ILK: variants seen among roughly 807,000 people sequenced by gnomAD.
The protein encoded by ILK is scaffold protein ILK.
In ILK, 37 loss-of-function variants were observed where a neutral mutation model predicts 57.8. The observed-to-expected ratio is 0.64, with a 90% CI of 0.49 to 0.84. ILK has a LOEUF of 0.84. Ranked by LOEUF, ILK falls within the 40% of genes least tolerant of loss-of-function variation. The probability of loss-of-function intolerance (pLI) is 0.00; values close to 1 mark genes in which losing one functional copy is unlikely to be tolerated. For missense variants in ILK, 528 were observed against 595.7 expected (o/e 0.89, Z 1.18); for synonymous variants, 231 against 202.2 (o/e 1.14, Z -1.21).
At position 6,610,629 on chromosome 11, in the gene ILK, C is replaced by T. The variant is rs1802876; in HGVS notation, c.*18C>T. ...ACAAGTAGGACTGGAAGGTCCTTGC[C>T]TGAACTCCAGAGGTGTCGGGACATG... On this transcript the variant is annotated 3_prime_UTR_variant, in exon 13 of 13. Transcript: ENST00000299421. 6.2e-7 allele frequency: 1 copy of T among 1,614,078 alleles called. No homozygotes were observed. The highest frequency in any genetic ancestry group is 8.5e-7 in the Non-Finnish European group (1 of 1,179,962).
chr11:6,603,916 C>G (rs1272074979), intron 1 of ILK, 94 bp downstream of exon 1: 1 of 450,988 alleles, frequency 2.2e-6, no homozygotes, highest in Non-Finnish European at 4.0e-6. Context: ...ACCCCCGGTC[C>G]CCTCTCCCAG....
At position 6,609,601 on chromosome 11, in the gene ILK, C is replaced by A. The variant is rs774113906; in HGVS notation, c.818C>A (p.Pro273Gln). The A allele has an allele frequency of 8.1e-6, 13 of 1,613,930 alleles. No homozygotes were observed. In the African/African-American group the frequency reaches 1.6e-4, roughly 20 times the overall value. ...CCTACTCTCATCACACACTGGATGC[C>A]GTATGGATCCCTCTACAATGTACTA... ...PHPTLITHWM[P>Q]YGSLYNVLHE... is the part of the protein sequence containing the mutation. Residue 273 changes from proline (P) to glutamine (Q), a missense_variant, in exon 9 of 13, where the codon CCG becomes CAG. Physicochemically the swap from Pro to Gln is moderately conservative, Grantham distance 76. Coordinates refer to ENST00000299421, the MANE Select transcript of ILK (RefSeq NM_004517.4).
chr11:6,610,598 T>C lies in ILK; in HGVS notation c.1346T>C (p.Met449Thr). Residue 449 changes from methionine (M) to threonine (T), a missense_variant, in exon 13 of 13, where the codon ATG becomes ACG. Physicochemically the swap from Met to Thr is moderately conservative, Grantham distance 81. Coordinates refer to ENST00000299421, the MANE Select transcript of ILK (RefSeq NM_004517.4). ...FDMIVPILEKMQDK is the reference protein window; with the variant it reads ...FDMIVPILEKTQDK ...ATGATTGTGCCTATCCTTGAGAAGA[T>C]GCAGGACAAGTAGGACTGGAAGGTC... The C allele has an allele frequency of 6.2e-7, 1 of 1,614,218 alleles. No individual in the cohort carries two copies. Among genetic ancestry groups the C allele is most frequent in the Non-Finnish European group, 8.5e-7 (1 of 1,180,028 alleles).
Position 6,609,827 on chromosome 11 carries a change from C to T in ILK, c.960C>T (p.Leu320=). Residue 320 remains leucine, a synonymous_variant, in exon 10 of 13, where the codon CTC becomes CTT. Coordinates refer to ENST00000299421, the MANE Select transcript of ILK (RefSeq NM_004517.4). ...AGCCCCTCATCCCACGACATGCACTCAATAGCCGTAGTGTAATGGTGAGGC... is the reference window on the plus strand; with the variant it reads ...AGCCCCTCATCCCACGACATGCACTTAATAGCCGTAGTGTAATGGTGAGGC... ...TLEPLIPRHA[L]NSRSVMIDED... is the part of the protein sequence containing the mutation. 6.2e-7 allele frequency: 1 copy of T among 1,614,218 alleles called. No individual in the cohort carries two copies.
rs528392640 is a variant in ILK, at chr11:6,609,147, C to T, written c.609C>T (p.His203=). ...LNFLTKLNEN[H]SGELWKGRWQ... ...TCCTGACGAAGCTCAACGAGAATCA[C>T]TCTGGAGAGGTGACCCCTGCCCTTC... The change falls in exon 7 of 13, where the codon CAC becomes CAT. Residue 203 remains histidine, a synonymous_variant. Transcript: ENST00000299421. 1 of 1,613,852 alleles carries T rather than the reference C, an allele frequency of 6.2e-7. No individual in the cohort carries two copies. Among genetic ancestry groups the T allele is most frequent in the Admixed American group, 1.7e-5 (1 of 60,030 alleles).
In ILK at chr11:6,610,491, C is replaced by T. The variant is rs1359275526; in HGVS notation, c.1239C>T (p.Ile413=). The change falls in exon 13 of 13, where the codon ATC becomes ATT. Residue 413 remains isoleucine, a synonymous_variant. Coordinates refer to ENST00000299421, the MANE Select transcript of ILK (RefSeq NM_004517.4). ...KVALEGLRPT[I]PPGISPHVCK... ...CATTGGAAGGCCTTCGGCCTACCAT[C>T]CCACCAGGTATTTCCCCTCATGTGT... is the stretch of plus-strand genomic sequence containing the variant. 2.5e-6 allele frequency: 4 copies of T among 1,614,200 alleles called. No individual in the cohort carries two copies. The highest frequency in any genetic ancestry group is 3.4e-6 in the Non-Finnish European group (4 of 1,180,018).
Position 6,610,704 on chromosome 11 carries a change from C to T in ILK, c.*93C>T, listed in dbSNP as rs988778518. 65 of 1,497,520 alleles carry T rather than the reference C, an allele frequency of 4.3e-5. No individual in the cohort carries two copies. Among genetic ancestry groups the T allele is most frequent in the East Asian group, 3.0e-4 (13 of 43,968 alleles). The allele number at this position is 1,497,520 out of a possible 1,614,324, so 92.8% of individuals were successfully genotyped here. A position where few individuals can be genotyped will look rare whatever the true frequency, so the allele number is the denominator to read the frequency against. On this transcript the variant is annotated 3_prime_UTR_variant, in exon 13 of 13. Coordinates refer to ENST00000299421, the MANE Select transcript of ILK (RefSeq NM_004517.4). ...GCAGCAGGCCTCTGGTTGCCTCCCC[C>T]GCCTCCAGTCATGGTACTACCCCAG...
Position 6,608,776 on chromosome 11 carries a change from G to A in ILK, c.434G>A (p.Arg145Lys). ...GTGGACAAAGCCAAGGCACCCCTGA[G>A]AGAGCTTCTCCGAGGTCCATCTCCC... ...MPVDKAKAPL[R>K]ELLRERAEKM... Residue 145 changes from arginine to lysine, a missense_variant, in exon 5 of 13, where the codon AGA (arginine) becomes AAA (lysine). Transcript: ENST00000299421. This position sits in a 1 kb window ranked among gnomAD's most constrained non-coding sequence, Gnocchi z 4.9. The A allele has an allele frequency of 6.2e-7, 1 of 1,614,072 alleles. No homozygotes were observed. The highest frequency in any genetic ancestry group is 1.1e-5 in the South Asian group (1 of 91,084).
Position 6,609,166 on chromosome 11 carries a change from G to T in ILK, c.618+10G>T. 1 of 1,609,252 alleles carries T rather than the reference G, an allele frequency of 6.2e-7. No homozygotes were observed. ...GAATCACTCTGGAGAGGTGACCCCT[G>T]CCCTTCTTGCCCTTCCCTCACTAAA... On this transcript the variant is annotated intron_variant, in intron 7 of 12. Coordinates refer to ENST00000299421, the MANE Select transcript of ILK (RefSeq NM_004517.4).
intron 2 of ILK, chr11:6,607,842 G>A: frequency 1.7e-6 from 1 of 596,014 alleles, no homozygotes. Flanking sequence ...TATAGAGGTT[G>A]TTGAGATATC....
At chr11:6,605,435 G>C (rs1017530087) in intron 2 of ILK, among the ~76,000 whole-genome samples, 4 of 151,514 alleles carry the variant, frequency 2.6e-5, no homozygotes, top group Non-Finnish European at 4.4e-5. Context: ...ATGAAGGGGA[G>C]GTAGTCAACG....
chr11:6,609,035 G>A (rs1255967310), intron 6 of ILK, 36 bp from the exon 7 acceptor site: 1 of 1,611,512 alleles, frequency 6.2e-7, no homozygotes, highest in Admixed American at 1.7e-5. Flanking sequence ...GCTGGGTTAG[G>A]GTGAAGCTGG....
rs774464359 is a variant in ILK, at chr11:6,609,492, C to T, written c.729-20C>T. ...AGAGATCTTTTGTACTGGGTCTCAA[C>T]CACTCCCTCCCTCTTCTAGGATTTT... On this transcript the variant is annotated intron_variant, in intron 8 of 12. Transcript: ENST00000299421. 2.5e-6 allele frequency: 4 copies of T among 1,614,016 alleles called. No individual in the cohort carries two copies. In the East Asian group the frequency reaches 8.9e-5, roughly 36 times the overall value.
At position 6,604,253 on chromosome 11, in the gene ILK, T is replaced by G; in HGVS notation, c.-19T>G. 1 of 1,607,372 alleles carries G rather than the reference T, an allele frequency of 6.2e-7. No homozygotes were observed. Among genetic ancestry groups the G allele is most frequent in the East Asian group, 2.2e-5 (1 of 44,700 alleles). On this transcript the variant is annotated 5_prime_UTR_variant, in exon 2 of 13. Coordinates refer to ENST00000299421, the MANE Select transcript of ILK (RefSeq NM_004517.4). ...CTCAGGCTTCCCCAATCCAGGGGAC[T>G]CGGCGCCGGGACGCTGCTATGGACG...
rs145213569 is a variant in ILK, at chr11:6,604,286, C to T, written c.15C>T (p.Phe5=). MDDI[F]TQCREGNAVA... ...GGGACGCTGCTATGGACGACATTTT[C>T]ACTCAGTGCCGGGAGGGCAACGCAG... Residue 5 remains phenylalanine, a synonymous_variant, in exon 2 of 13, where the codon TTC becomes TTT. Coordinates refer to ENST00000299421, the MANE Select transcript of ILK (RefSeq NM_004517.4). 2 of 1,612,498 alleles carry T rather than the reference C, an allele frequency of 1.2e-6. No homozygotes were observed. The highest frequency in any genetic ancestry group is 1.7e-6 in the Non-Finnish European group (2 of 1,179,654).
In ILK at chr11:6,610,387, T is replaced by C. The variant is rs1855382170; in HGVS notation, c.1210-75T>C. 3 of 1,613,264 alleles carry C rather than the reference T, an allele frequency of 1.9e-6. No individual in the cohort carries two copies. In the East Asian group the frequency reaches 6.7e-5, roughly 36 times the overall value. On this transcript the variant is annotated intron_variant, in intron 12 of 12. Coordinates refer to ENST00000299421, the MANE Select transcript of ILK (RefSeq NM_004517.4). ...TATTTGTTCGGATATACAGTAATCC[T>C]GTCCCAAGGGCCAGTGGCTTCTCTC...
rs762559213 is a variant in ILK at position 6,610,162 on chromosome 11, C to G, written c.1093C>G (p.Pro365Ala). 11 of 1,614,200 alleles carry G rather than the reference C, an allele frequency of 6.8e-6. No homozygotes were observed. The Admixed American group carries it at 1.0e-4, about 15-fold the overall frequency. Residue 365 changes from proline (P) to alanine (A), a missense_variant, in exon 12 of 13, where the codon CCT becomes GCT. By Grantham distance (27) the Pro-to-Ala change is conservative. Coordinates refer to ENST00000299421, the MANE Select transcript of ILK (RefSeq NM_004517.4). ...WVAPEALQKK[P>A]EDTNRRSADM... The stretch of plus-strand genomic sequence containing the variant: ...TATCTCTCCAGCTCTGCAGAAGAAG[C>G]CTGAAGACACAAACAGACGCTCAGC...
intron 2 of ILK, chr11:6,604,828 CATA>C (rs1399804385): frequency 1.1e-5 from 5 of 457,832 alleles, no homozygotes; most frequent in Admixed American, 7.0e-5. Context: ...TGTATAGTGA[CATA>C]ATGAGATTGT....
rs757605280 is a variant in ILK at position 6,608,187 on chromosome 11, T to C, written c.231T>C (p.His77=). 1.9e-5 allele frequency: 30 copies of C among 1,614,100 alleles called. No homozygotes were observed. Among genetic ancestry groups the C allele is most frequent in the Non-Finnish European group, 2.4e-5 (28 of 1,180,040 alleles). ...CCCCCCTGCATCTGGCAGCCAGTCA[T>C]GGACACCGTGATATTGTACAGAAGG... ...DDTPLHLAAS[H]GHRDIVQKLL... is the part of the protein sequence containing the mutation. The change falls in exon 3 of 13, where the codon CAT becomes CAC. Residue 77 remains histidine (H), a synonymous_variant. Transcript: ENST00000299421. The surrounding 1 kb of genome is among the most constrained non-coding windows in gnomAD (Gnocchi z 4.9).
Sources: gnomAD v4.1 joint callset for allele counts (sites outside exome capture counted in the v4.1 genomes callset) on GRCh38, gnomAD v4.1.1 for gene constraint, Gnocchi (gnomAD v3.1) non-coding constraint, MANE v1.5 for transcripts, NCBI Gene and HGNC (gene_info 2026-07-23, HGNC 2026-07-21) for gene names.